LHFPL2: variants seen among roughly 807,000 people sequenced by gnomAD.
LHFPL2 encodes the protein LHFPL tetraspan subfamily member 2 protein.
In LHFPL2, 7 loss-of-function variants were observed where a neutral mutation model predicts 17.5. The ratio of observed to expected loss-of-function variants is 0.40; its 90% CI spans 0.23 to 0.75. The LOEUF (loss-of-function observed/expected upper bound fraction) is 0.75, where lower values mean the gene tolerates loss of function less well. Among genes scored for constraint, LHFPL2 ranks in the 30% least tolerant of loss-of-function variants. The probability of loss-of-function intolerance (pLI) is 0.37; values close to 1 mark genes in which losing one functional copy is unlikely to be tolerated. For synonymous variants in LHFPL2, 134 were observed against 116.2 expected (o/e 1.15, Z -0.99); for missense variants, 241 against 294.8 (o/e 0.82, Z 1.34).
At chr5:78,583,438 G>A (rs1366194808) in intron 2 of LHFPL2, among the ~76,000 whole-genome samples, 1 of 150,096 alleles carries the variant, frequency 6.7e-6, no homozygotes, top group African/African-American at 2.4e-5. Flanking sequence ...TCCTTTCCAT[G>A]TTTAGCGCTT....
chr5:78,611,612 G>A (rs527254946), intron 2 of LHFPL2, among the ~76,000 whole-genome samples: 1 of 152,280 alleles, frequency 6.6e-6, no homozygotes, highest in African/African-American at 2.4e-5. Context: ...AATTACTAAG[G>A]GGGATGGTGA....
At chr5:78,518,559 C>T (rs1408215203) in intron 3 of LHFPL2, among the ~76,000 whole-genome samples, 2 of 152,228 alleles carry the variant, frequency 1.3e-5, no homozygotes, top group Non-Finnish European at 2.9e-5. Flanking sequence ...GTGAGCTCCA[C>T]GCGCAGCTGC....
chr5:78,608,080 CAAG>C (rs1244795455), intron 2 of LHFPL2, among the ~76,000 whole-genome samples: 1 of 152,136 alleles, frequency 6.6e-6, no homozygotes, highest in Non-Finnish European at 1.5e-5. Flanking sequence ...CAAATGAGAT[CAAG>C]GAGATAAAGT....
intron 2 of LHFPL2, among the ~76,000 whole-genome samples, chr5:78,585,898 A>G (rs927023856): frequency 1.3e-5 from 2 of 152,200 alleles, no homozygotes; most frequent in African/African-American, 4.8e-5. Flanking sequence ...AGGTCCTGCC[A>G]CTAACAAGCA....
intron 1 of LHFPL2, among the ~76,000 whole-genome samples, chr5:78,639,823 G>T (rs1407041023): frequency 6.6e-6 from 1 of 152,208 alleles, no homozygotes; most frequent in African/African-American, 2.4e-5. Context: ...ATGAGCAAGA[G>T]AAAGTTAATT....
intron 4 of LHFPL2, among the ~76,000 whole-genome samples, chr5:78,502,383 G>A (rs937400937): frequency 6.6e-6 from 1 of 152,156 alleles, no homozygotes; most frequent in Admixed American, 6.5e-5. Flanking sequence ...AATTACTTCT[G>A]CTAGCAGTTT....
chr5:78,644,692 G>T, intron 1 of LHFPL2: 1 of 292,456 alleles, frequency 3.4e-6, no homozygotes. Flanking sequence ...CTCTTTAGCA[G>T]ACATGGTCTT....
At chr5:78,602,770 T>C (rs1291949645) in intron 2 of LHFPL2, among the ~76,000 whole-genome samples, 3 of 152,200 alleles carry the variant, frequency 2.0e-5, no homozygotes, top group African/African-American at 7.2e-5. Context: ...TCAGAACCAA[T>C]CATGGCAGCT....
chr5:78,579,919 G>A (rs1464383390), intron 2 of LHFPL2, among the ~76,000 whole-genome samples: 2 of 152,158 alleles, frequency 1.3e-5, no homozygotes, highest in Admixed American at 6.6e-5. Flanking sequence ...TTGAGGAATC[G>A]CCACACTGAC....
At chr5:78,609,991 C>T (rs1367674843) in intron 2 of LHFPL2, among the ~76,000 whole-genome samples, 1 of 152,168 alleles carries the variant, frequency 6.6e-6, no homozygotes. Flanking sequence ...CAGCAGCTCC[C>T]AGCATTAATG....
intron 2 of LHFPL2, among the ~76,000 whole-genome samples, chr5:78,600,729 AAAAT>A (rs747700607): frequency 6.6e-6 from 1 of 152,190 alleles, no homozygotes; most frequent in Non-Finnish European, 1.5e-5. Context: ...ACTCCGTCTC[AAAAT>A]AAATAAATAA....
chr5:78,565,027 C>T (rs542417803), intron 2 of LHFPL2, among the ~76,000 whole-genome samples, 156 bp from the exon 3 acceptor site: 35 of 152,266 alleles, frequency 2.3e-4, no homozygotes, highest in African/African-American at 7.9e-4. Flanking sequence ...CACGGCCACT[C>T]CCCCCAGGAA....
At chr5:78,495,318 C>T (rs1040749383) in intron 4 of LHFPL2, among the ~76,000 whole-genome samples, 6 of 152,306 alleles carry the variant, frequency 3.9e-5, no homozygotes, top group Admixed American at 2.6e-4. Flanking sequence ...TGATTACTAC[C>T]CTCCTTCACC....
chr5:78,489,687 T>C (rs1285995728), intron 4 of LHFPL2, among the ~76,000 whole-genome samples: 1 of 152,216 alleles, frequency 6.6e-6, no homozygotes, highest in East Asian at 1.9e-4. Context: ...TACTATGTAT[T>C]CCCACAGGGC....
intron 2 of LHFPL2, among the ~76,000 whole-genome samples, chr5:78,622,642 T>C (rs1258725897): frequency 6.6e-6 from 1 of 152,226 alleles, no homozygotes; most frequent in Non-Finnish European, 1.5e-5. Flanking sequence ...CTCCCAAGCA[T>C]TCTCTTCCTC....
intron 4 of LHFPL2, among the ~76,000 whole-genome samples, chr5:78,508,354 T>C (rs765337142): frequency 7.9e-5 from 12 of 152,162 alleles, no homozygotes; most frequent in Non-Finnish European, 1.5e-5. Context: ...CTGGCAGATG[T>C]AGAGATGAGG....
At chr5:78,622,336 T>C (rs528888846) in intron 2 of LHFPL2, among the ~76,000 whole-genome samples, 38 of 152,238 alleles carry the variant, frequency 2.5e-4, no homozygotes, top group Non-Finnish European at 2.9e-5. Context: ...CCTATTACGA[T>C]AGCAGCGCCA....
intron 3 of LHFPL2, among the ~76,000 whole-genome samples, chr5:78,524,255 G>C (rs78137150): frequency 6.6e-6 from 1 of 152,080 alleles, no homozygotes; most frequent in African/African-American, 2.4e-5. Flanking sequence ...TGAGGTTTTC[G>C]GGCACACTCA....
intron 3 of LHFPL2, among the ~76,000 whole-genome samples, chr5:78,551,449 T>C (rs1756437296): frequency 6.6e-6 from 1 of 152,140 alleles, no homozygotes; most frequent in Non-Finnish European, 1.5e-5. Context: ...TTCCTAGGTT[T>C]GTATCTGGGG....
Sources: allele counts gnomAD v4.1 joint callset (sites outside exome capture counted in the v4.1 genomes callset), GRCh38; gene constraint gnomAD v4.1.1; transcripts MANE v1.5; gene names NCBI Gene and HGNC (gene_info 2026-07-23, HGNC 2026-07-21).